TENM3: variants seen among roughly 807,000 people sequenced by gnomAD.
TENM3 encodes teneurin transmembrane protein 3.
TENM3 carries 63 observed loss-of-function variants against 255.1 expected under a neutral mutation model. The observed-to-expected ratio is 0.25, with a 90% CI of 0.20 to 0.30. TENM3 has a LOEUF of 0.30. Ranked by LOEUF, TENM3 falls within the 10% of genes least tolerant of loss-of-function variation. The pLI is 1.00. For synonymous variants in TENM3, 1,306 were observed against 1,322.3 expected, an observed-to-expected ratio of 0.99 and a Z score of 0.27; for missense variants, 2,929 against 3,461.1, an observed-to-expected ratio of 0.85 and a Z score of 3.86.
At chr4:181,573,936 C>G in the TENM3 span, among the ~76,000 whole-genome samples, 2 of 152,038 alleles carry the variant, frequency 1.3e-5, no homozygotes, top group Admixed American at 1.3e-4. Context: ...AATGTACTTT[C>G]ACAGGCAGCA....
chr4:182,403,525 C>T (rs542289910), intron 3 of TENM3, among the ~76,000 whole-genome samples: 49 of 152,206 alleles, frequency 3.2e-4, no homozygotes, highest in Non-Finnish European at 5.4e-4. Context: ...GGTGAAGAGA[C>T]GGAATCGAAG....
chr4:181,502,431 T>G, the TENM3 span, among the ~76,000 whole-genome samples: 17 of 152,296 alleles, frequency 1.1e-4, no homozygotes, highest in Admixed American at 1.0e-3. Context: ...AGGGCTCTCT[T>G]CTTAATGGGA....
At chr4:181,567,363 A>G in the TENM3 span, among the ~76,000 whole-genome samples, 3 of 152,232 alleles carry the variant, frequency 2.0e-5, no homozygotes, top group South Asian at 4.1e-4. Context: ...TTGCAAATGT[A>G]GAAACTTTAT....
chr4:182,346,624 T>C (rs1209424009), intron 2 of TENM3, 27 bp from the exon 3 acceptor site: 1 of 1,594,478 alleles, frequency 6.3e-7, no homozygotes, highest in Admixed American at 1.7e-5. Flanking sequence ...TACTCACTAG[T>C]TGTTATCTTT....
chr4:182,643,215 C>A (rs889554946), intron 5 of TENM3, among the ~76,000 whole-genome samples: 1 of 152,086 alleles, frequency 6.6e-6, no homozygotes, highest in Non-Finnish European at 1.5e-5. Context: ...TGATTATTAG[C>A]ACATGAAATA....
At chr4:182,796,200 A>T (rs2152835161) in intron 26 of TENM3, among the ~76,000 whole-genome samples, 1 of 152,374 alleles carries the variant, frequency 6.6e-6, no homozygotes, top group East Asian at 1.9e-4. Context: ...GGGTTGTGGA[A>T]GTCCGCATAT....
the TENM3 span, among the ~76,000 whole-genome samples, chr4:181,960,850 C>A: frequency 1.3e-5 from 2 of 152,160 alleles, no homozygotes; most frequent in Admixed American, 1.3e-4. Context: ...TACATATTTT[C>A]TTTTATTTCT....
chr4:181,811,762 G>A, the TENM3 span, among the ~76,000 whole-genome samples: 46 of 152,272 alleles, frequency 3.0e-4, no homozygotes, highest in African/African-American at 8.2e-4. Context: ...AATCACCCAC[G>A]TGATTCAATT....
At chr4:181,605,556 AAGAAAGAAAGAAAG>A in the TENM3 span, among the ~76,000 whole-genome samples, 1 of 30,462 alleles carries the variant, frequency 3.3e-5, no homozygotes, top group Non-Finnish European at 8.8e-5. Flanking sequence ...GAAAGAAAGA[AAGAAAGAAAGAAAG>A]AGAGAGAAAG....
chr4:181,503,594 A>G, the TENM3 span, among the ~76,000 whole-genome samples: 1 of 152,136 alleles, frequency 6.6e-6, no homozygotes, highest in Admixed American at 6.5e-5. Flanking sequence ...CCATTTCCAT[A>G]AACTATTCTG....
chr4:181,630,500 A>C, the TENM3 span, among the ~76,000 whole-genome samples: 1 of 152,118 alleles, frequency 6.6e-6, no homozygotes, highest in Non-Finnish European at 1.5e-5. Context: ...CCCTCTACAC[A>C]CTGCTTTAAA....
At position 182,793,958 on chromosome 4, in the gene TENM3, T is replaced by C; in HGVS notation, c.7213+73T>C. The C allele has an allele frequency of 7.2e-7, 1 of 1,379,746 alleles. No individual in the cohort carries two copies. Among genetic ancestry groups the C allele is most frequent in the Non-Finnish European group, 9.7e-7 (1 of 1,028,152 alleles). The allele number at this position is 1,379,746 out of a possible 1,614,324, so 85.5% of individuals were successfully genotyped here. A position where few individuals can be genotyped will look rare whatever the true frequency, so the allele number is the denominator to read the frequency against. On this transcript the variant is annotated intron_variant, in intron 26 of 27. Coordinates refer to ENST00000511685, the MANE Select transcript of TENM3 (RefSeq NM_001080477.4). The surrounding 1 kb of genome is among the most constrained non-coding windows in gnomAD (Gnocchi z 5.7). ...GATTAATACACAAAATAACTGGAAATGCTTTTTTAAAAAACTTTATACTTT... is the reference window on the plus strand; with the variant it reads ...GATTAATACACAAAATAACTGGAAACGCTTTTTTAAAAAACTTTATACTTT...
At chr4:182,615,366 G>T (rs983810420) in intron 4 of TENM3, among the ~76,000 whole-genome samples, 3 of 152,042 alleles carry the variant, frequency 2.0e-5, no homozygotes, top group Non-Finnish European at 4.4e-5. Flanking sequence ...AATTAATGAA[G>T]CATTTTGGGA....
the TENM3 span, among the ~76,000 whole-genome samples, chr4:182,045,325 A>T: frequency 6.6e-6 from 1 of 151,836 alleles, no homozygotes; most frequent in Non-Finnish European, 1.5e-5. Context: ...TTTGATTGTG[A>T]ATGTTTGGAT....
the TENM3 span, among the ~76,000 whole-genome samples, chr4:182,059,770 A>G: frequency 0.033 from 4,812 of 146,934 alleles, 269 homozygotes; most frequent in African/African-American, 0.12. Context: ...AAAGAAAAAA[A>G]AAAAAAAGAA....
the TENM3 span, among the ~76,000 whole-genome samples, chr4:181,636,207 G>C: frequency 6.6e-6 from 1 of 151,900 alleles, no homozygotes; most frequent in African/African-American, 2.4e-5. Context: ...CACCACATCC[G>C]GCTAATTTTG....
chr4:182,029,376 A>G, the TENM3 span, among the ~76,000 whole-genome samples: 2 of 152,164 alleles, frequency 1.3e-5, no homozygotes, highest in African/African-American at 2.4e-5. Flanking sequence ...ATCAAGTCCA[A>G]TGTTTTCTTT....
the TENM3 span, among the ~76,000 whole-genome samples, chr4:181,776,784 T>A: frequency 1.3e-5 from 2 of 152,120 alleles, no homozygotes; most frequent in Non-Finnish European, 2.9e-5. Flanking sequence ...TTTTGTTTTG[T>A]TTTCTTTCTG....
At chr4:182,115,197 T>A in the TENM3 span, among the ~76,000 whole-genome samples, 4 of 152,110 alleles carry the variant, frequency 2.6e-5, no homozygotes, top group African/African-American at 9.6e-5. Context: ...AAAAATAAAA[T>A]ATCTACAAAC....
Sources: allele counts gnomAD v4.1 joint callset (sites outside exome capture counted in the v4.1 genomes callset), GRCh38; gene constraint gnomAD v4.1.1; non-coding constraint Gnocchi (gnomAD v3.1); transcripts MANE v1.5; gene names NCBI Gene and HGNC (gene_info 2026-07-23, HGNC 2026-07-21).